The following PTPRZ1 variants were observed in gnomAD, a reference collection of about 807,000 sequenced individuals.
PTPRZ1 encodes the protein receptor-type tyrosine-protein phosphatase zeta.
A neutral mutation model predicts 214.1 loss-of-function variants in PTPRZ1; 82 were observed. The observed-to-expected ratio is 0.38, with a 90% confidence interval of 0.32 to 0.46. The LOEUF is 0.46. PTPRZ1 is among the 20% of genes least tolerant of loss of function. The pLI is 1.00. For missense variants in PTPRZ1, 2,603 were observed against 2,748.7 expected (o/e 0.95, Z 1.19); for synonymous variants, 945 against 987.9 (o/e 0.96, Z 0.81).
intron 1 of PTPRZ1, among the ~76,000 whole-genome samples, chr7:121,914,084 C>T (rs73229144): frequency 0.17 from 25,585 of 152,032 alleles, 2,325 homozygotes; most frequent in East Asian, 0.31. Context: ...GAGGCCGAGG[C>T]GAGCAGATCC....
At chr7:122,041,530 C>T (rs1799734522) in intron 21 of PTPRZ1, among the ~76,000 whole-genome samples, 1 of 147,718 alleles carries the variant, frequency 6.8e-6, no homozygotes, top group Admixed American at 6.6e-5. Context: ...TCATTGTTGC[C>T]AAGATTTTTT....
At chr7:122,047,906 G>A (rs141435907) in intron 23 of PTPRZ1, among the ~76,000 whole-genome samples, 42 of 152,124 alleles carry the variant, frequency 2.8e-4, no homozygotes, top group African/African-American at 6.3e-4. Context: ...TGCCTGCTGT[G>A]GCCTCACAAA....
rs1433858206 is a variant in PTPRZ1, at chr7:121,972,524, T to C, written c.305-17T>C. On this transcript the variant is annotated splice_polypyrimidine_tract_variant and intron_variant, in intron 3 of 29. Transcript: ENST00000393386. The stretch of plus-strand genomic sequence containing the variant: ...TGATTTTCAGAAGCTTAGGTGCAAT[T>C]GTATTTCTTTTTTTAGTGGAAATTA... 1 of 1,588,616 alleles carries C rather than the reference T, an allele frequency of 6.3e-7. No homozygotes were observed. The highest frequency in any genetic ancestry group is 2.3e-5 in the East Asian group (1 of 44,382).
intron 3 of PTPRZ1, among the ~76,000 whole-genome samples, chr7:121,970,071 G>A (rs868010114): frequency 2.6e-5 from 4 of 151,038 alleles, no homozygotes; most frequent in Non-Finnish European, 4.4e-5. Context: ...TTGTCCTTGC[G>A]ATAGTTTGCT....
chr7:121,884,086 TG>T (rs551016545), intron 1 of PTPRZ1, among the ~76,000 whole-genome samples: 111 of 147,532 alleles, frequency 7.5e-4, no homozygotes, highest in African/African-American at 2.7e-3. Context: ...TTTTTCCTTA[TG>T]TAATGAAAAA....
Position 122,011,017 on chromosome 7 carries a change from T to C in PTPRZ1, c.1971T>C (p.Ser657=). The C allele has an allele frequency of 6.2e-7, 1 of 1,614,146 alleles. No homozygotes were observed. The highest frequency in any genetic ancestry group is 8.5e-7 in the Non-Finnish European group (1 of 1,180,018). Residue 657 remains serine (S), a synonymous_variant, in exon 12 of 30, where the codon TCT becomes TCC. Coordinates refer to ENST00000393386, the MANE Select transcript of PTPRZ1 (RefSeq NM_002851.3). ...AGGGAAATGTGTGGTTTCCTAGCTC[T>C]ACAGACATAACAGCACAGCCCGATG... The part of the protein sequence containing the change: ...SMEGNVWFPS[S]TDITAQPDVG...
chr7:122,044,560 C>T lies in PTPRZ1; in HGVS notation c.6076C>T (p.Gln2026Ter), dbSNP rs1162973538. Residue 2026 changes from glutamine (Q) to a stop codon, truncating the protein, a stop_gained, in exon 23 of 30, where the codon CAA becomes TAA. Transcript: ENST00000393386. LOFTEE classifies it high-confidence loss of function. ...GPAGKTKLEK[Q>*]FQLLSQSNIQ... ...AGCAGGCAAAACAAAGCTAGAGAAA[C>T]AATTCCAGGTGAGTCCTCTTGGAAG... The T allele has an allele frequency of 6.2e-7, 1 of 1,613,534 alleles. No individual in the cohort carries two copies. The highest frequency in any genetic ancestry group is 8.5e-7 in the Non-Finnish European group (1 of 1,179,672).
At position 122,019,171 on chromosome 7, in the gene PTPRZ1, T is replaced by A. The variant is rs201869096; in HGVS notation, c.4891T>A (p.Leu1631Met). 2 of 1,612,090 alleles carry A rather than the reference T, an allele frequency of 1.2e-6. No homozygotes were observed. Among genetic ancestry groups the A allele is most frequent in the Admixed American group, 3.3e-5 (2 of 59,980 alleles). ...HESRIGLAEG[L>M]ESEKKAVIPL... Reference sequence around the variant, plus strand: ...GTCTCGTATTGGTCTAGCTGAGGGGTTGGAATCCGAGAAGAAGGCAGTTAT... The same window carrying A: ...GTCTCGTATTGGTCTAGCTGAGGGGATGGAATCCGAGAAGAAGGCAGTTAT... The change falls in exon 13 of 30, where the codon TTG becomes ATG. Residue 1631 changes from leucine (L) to methionine (M), a missense_variant. By Grantham distance (15) the Leu-to-Met change is conservative. Transcript: ENST00000393386.
chr7:121,989,260 T>C (rs1445342667), intron 8 of PTPRZ1, among the ~76,000 whole-genome samples: 1 of 152,230 alleles, frequency 6.6e-6, no homozygotes, highest in African/African-American at 2.4e-5. Flanking sequence ...CCCACAGAAA[T>C]TAGTTGTTTC....
In PTPRZ1 at chr7:122,023,722, AT is replaced by A. The variant is rs1554364887; in HGVS notation, c.4988+4456del. Among the ~76,000 whole-genome samples, 215 of 131,190 alleles carry A rather than the reference AT, an allele frequency of 1.6e-3. 5 individuals carry two copies. The highest frequency in any genetic ancestry group is 5.8e-3 in the African/African-American group (199 of 34,598). The allele number at this position is 131,190 out of a possible 152,430, so 86.1% of individuals were successfully genotyped here. On this transcript the variant is annotated intron_variant, in intron 13 of 29. Transcript: ENST00000393386. ...TATAATTTTATATATAATTATATAT[AT>A]TATATGTATAATTTTATATATAATT...
rs140815111 is a variant in PTPRZ1, at chr7:122,038,659, C to T, written c.5368-96C>T. The T allele has an allele frequency of 8.9e-5, 108 of 1,216,444 alleles. No individual in the cohort carries two copies. In the Middle Eastern group the frequency reaches 1.0e-3, roughly 12 times the overall value. 75.4% of individuals were successfully genotyped at this position (1,216,444 alleles called of 1,614,324 possible). The stretch of plus-strand genomic sequence containing the variant: ...GTTTATTTTTTATGGTTTTCTTTTA[C>T]GAAAAATTATGCTGACCTTAAAAAC... On this transcript the variant is annotated intron_variant, in intron 18 of 29. Transcript: ENST00000393386.
At chr7:122,038,135 T>C (rs1476036345) in intron 18 of PTPRZ1, among the ~76,000 whole-genome samples, 1 of 152,122 alleles carries the variant, frequency 6.6e-6, no homozygotes, top group Non-Finnish European at 1.5e-5. Flanking sequence ...ATCACCCTCA[T>C]GATTCCATTA....
intron 2 of PTPRZ1, among the ~76,000 whole-genome samples, chr7:121,960,519 T>C (rs1796842360): frequency 6.6e-6 from 1 of 152,170 alleles, no homozygotes; most frequent in Non-Finnish European, 1.5e-5. Context: ...GAAATCAACA[T>C]TGAGATTTTT....
chr7:121,909,072 ATTAAAC>A (rs773229506), intron 1 of PTPRZ1: 5 of 402,544 alleles, frequency 1.2e-5, no homozygotes, highest in Middle Eastern at 3.7e-4. Context: ...CTACCTTCAA[ATTAAAC>A]TTAAAATTAG....
intron 23 of PTPRZ1, among the ~76,000 whole-genome samples, chr7:122,050,553 A>G (rs1280824584): frequency 1.3e-5 from 2 of 151,890 alleles, no homozygotes; most frequent in Non-Finnish European, 2.9e-5. Flanking sequence ...CTTACGTAAA[A>G]TGATAATTTG....
intron 2 of PTPRZ1, among the ~76,000 whole-genome samples, chr7:121,931,914 C>T (rs1445572394): frequency 6.6e-6 from 1 of 151,506 alleles, no homozygotes; most frequent in South Asian, 2.1e-4. Flanking sequence ...CTCATTAAAG[C>T]GTGGTATTTG....
intron 2 of PTPRZ1, among the ~76,000 whole-genome samples, chr7:121,953,573 T>G (rs1033233783): frequency 6.6e-6 from 1 of 152,230 alleles, no homozygotes; most frequent in African/African-American, 2.4e-5. Flanking sequence ...AAGACTAACT[T>G]TTCTCTTGTA....
At chr7:122,047,774 G>A (rs539166509) in intron 23 of PTPRZ1, among the ~76,000 whole-genome samples, 4 of 151,546 alleles carry the variant, frequency 2.6e-5, no homozygotes, top group African/African-American at 7.3e-5. Flanking sequence ...TCAGCCTCCC[G>A]AGTGGCTAGG....
Position 122,054,995 on chromosome 7 carries a change from A to G in PTPRZ1, c.6436A>G (p.Ser2146Gly), listed in dbSNP as rs752811524. Reference sequence around the variant, plus strand: ...TAAAGATGAGCCTATAAATTGTGAGAGCTTTAAGGTCACTCTTATGGCTGA... The same window carrying G: ...TAAAGATGAGCCTATAAATTGTGAGGGCTTTAAGGTCACTCTTATGGCTGA... The part of the protein sequence containing the change: ...PNKDEPINCE[S>G]FKVTLMAEEH... Residue 2146 changes from serine (S) to glycine (G), a missense_variant, in exon 27 of 30, where the codon AGC (serine) becomes GGC (glycine). Physicochemically the swap from Ser to Gly is moderately conservative, Grantham distance 56 (BLOSUM62 0). This residue lies in a region of PTPRZ1 where 134 missense variants were observed against 183.3 expected (regional missense o/e 0.73). Transcript: ENST00000393386. The G allele has an allele frequency of 6.2e-7, 1 of 1,608,210 alleles. No homozygotes were observed. The highest frequency in any genetic ancestry group is 1.7e-5 in the Admixed American group (1 of 59,514).
Sources: gnomAD v4.1 joint callset for allele counts (sites outside exome capture counted in the v4.1 genomes callset) on GRCh38, gnomAD v4.1.1 for gene constraint, gnomAD v4.1.1 regional missense constraint, MANE v1.5 for transcripts, NCBI Gene and HGNC (gene_info 2026-07-23, HGNC 2026-07-21) for gene names.